GREB1: variants seen among roughly 807,000 people sequenced by gnomAD.
GREB1 encodes growth regulating estrogen receptor binding 1, also known as protein GREB1.
Under a neutral mutation model 200.7 loss-of-function variants are expected in GREB1, and 106 were observed. The observed-to-expected ratio is 0.53, with a 90% confidence interval of 0.45 to 0.62. The LOEUF (loss-of-function observed/expected upper bound fraction) is 0.62, where lower values mean the gene tolerates loss of function less well. Among genes scored for constraint, GREB1 ranks in the 20% least tolerant of loss-of-function variants. The probability of loss-of-function intolerance (pLI) is 0.00; values close to 1 mark genes in which losing one functional copy is unlikely to be tolerated. For synonymous variants in GREB1, 1,132 were observed against 1,092.4 expected, an observed-to-expected ratio of 1.04 and a Z score of -0.72; for missense variants, 2,243 against 2,556.8, an observed-to-expected ratio of 0.88 and a Z score of 2.65.
intron 4 of GREB1, among the ~76,000 whole-genome samples, chr2:11,570,515 A>G (rs1678155892): frequency 1.3e-5 from 2 of 151,574 alleles, no homozygotes; most frequent in African/African-American, 2.4e-5. Flanking sequence ...TCGAATTGTT[A>G]TCTTATACTT....
Position 11,585,143 on chromosome 2 carries a change from A to G in GREB1, c.902-18A>G. On this transcript the variant is annotated intron_variant, in intron 7 of 32. Coordinates refer to ENST00000381486, the MANE Select transcript of GREB1 (RefSeq NM_014668.4). The stretch of plus-strand genomic sequence containing the variant: ...CTGTCCTGGTGATAGCCTAATCCAC[A>G]CTCTGAATATTGTCTAGGTATCTTG... 1.4e-6 allele frequency: 2 copies of G among 1,435,556 alleles called. No homozygotes were observed. The highest frequency in any genetic ancestry group is 1.9e-6 in the Non-Finnish European group (2 of 1,053,868). 88.9% of individuals were successfully genotyped at this position (1,435,556 alleles called of 1,614,324 possible).
At chr2:11,631,578 G>T (rs534884244) in intron 26 of GREB1, among the ~76,000 whole-genome samples, 1 of 152,318 alleles carries the variant, frequency 6.6e-6, no homozygotes, top group African/African-American at 2.4e-5. Flanking sequence ...TGAGCCAGCA[G>T]GTTGTCTGCG....
chr2:11,547,099 C>T (rs989924799), intron 1 of GREB1, among the ~76,000 whole-genome samples: 3 of 152,068 alleles, frequency 2.0e-5, no homozygotes, highest in Non-Finnish European at 2.9e-5. Context: ...TGTGCCACCA[C>T]GCCCAGCTAT....
At chr2:11,635,779 ACTATGTGTC>A (rs1685264050) in intron 30 of GREB1, among the ~76,000 whole-genome samples, 1 of 152,144 alleles carries the variant, frequency 6.6e-6, no homozygotes. Context: ...CCATAGTCAT[ACTATGTGTC>A]CACTGGGCAG....
Position 11,602,477 on chromosome 2 carries a change from A to G in GREB1, c.2601A>G (p.Gly867=). 1 of 1,613,234 alleles carries G rather than the reference A, an allele frequency of 6.2e-7. No individual in the cohort carries two copies. Among genetic ancestry groups the G allele is most frequent in the South Asian group, 1.1e-5 (1 of 91,058 alleles). Residue 867 remains glycine (G), a synonymous_variant, in exon 17 of 33, where the codon GGA becomes GGG. Transcript: ENST00000381486. ...LSEFIESTLS[G]HSLPLLRYDS... ...AGTTTATTGAATCCACCCTTTCAGG[A>G]CACAGCCTCCCCTTGCTCAGATACG...
chr2:11,580,720 C>T lies in GREB1; in HGVS notation c.789C>T (p.His263=). 3 of 1,613,552 alleles carry T rather than the reference C, an allele frequency of 1.9e-6. No homozygotes were observed. Among genetic ancestry groups the T allele is most frequent in the Non-Finnish European group, 8.5e-7 (1 of 1,179,612 alleles). Reference sequence around the variant, plus strand: ...TGTTTTCAGGACCAGCTTCTGATCACCCCTCACTAAACGCAGCAATGGGTC... The same window carrying T: ...TGTTTTCAGGACCAGCTTCTGATCATCCCTCACTAAACGCAGCAATGGGTC... ...GAQQAGPASD[H]PSLNAAMGPA... Residue 263 remains histidine, a synonymous_variant, in exon 7 of 33, where the codon CAC becomes CAT. Transcript: ENST00000381486. This position sits in a 1 kb window ranked among gnomAD's most constrained non-coding sequence, Gnocchi z 4.5.
In GREB1 at chr2:11,585,795, G is replaced by T. The variant is rs759355936; in HGVS notation, c.1049G>T (p.Gly350Val). Residue 350 changes from glycine (G) to valine (V), a missense_variant, in exon 9 of 33, where the codon GGC (glycine) becomes GTC (valine). Coordinates refer to ENST00000381486, the MANE Select transcript of GREB1 (RefSeq NM_014668.4). Reference protein sequence around the residue: ...SAGMSCVPQVGLVGPASVTFP... With the variant: ...SAGMSCVPQVVLVGPASVTFP... ...GGCATGTCCTGCGTGCCGCAGGTTG[G>T]CTTGGTGGGACCAGCTTCAGTCACC... 25 of 1,613,472 alleles carry T rather than the reference G, an allele frequency of 1.5e-5. No homozygotes were observed. In the Admixed American group the frequency reaches 4.2e-4, roughly 27 times the overall value.
chr2:11,566,616 G>A lies in GREB1; in HGVS notation c.414G>A (p.Lys138=), dbSNP rs1414426303. The stretch of plus-strand genomic sequence containing the variant: ...ATCTCCTGGTGTGCGCCGTTGACAA[G>A]AGGTTCTTGCCAGATGACAATGGCC... ...PDHLLVCAVD[K]RFLPDDNGHN... is the part of the protein sequence containing the mutation. Residue 138 remains lysine (K), a synonymous_variant, in exon 4 of 33, where the codon AAG becomes AAA. Transcript: ENST00000381486. 1.2e-6 allele frequency: 2 copies of A among 1,614,062 alleles called. No homozygotes were observed. Among genetic ancestry groups the A allele is most frequent in the Non-Finnish European group, 1.7e-6 (2 of 1,179,982 alleles).
chr2:11,557,686 G>A (rs1676566658), intron 2 of GREB1, among the ~76,000 whole-genome samples: 2 of 152,162 alleles, frequency 1.3e-5, no homozygotes, highest in Admixed American at 1.3e-4. Context: ...TCTAGCAGGA[G>A]GCATTTCTGT....
At chr2:11,510,240 G>A (rs1046102507) in intron 1 of GREB1, among the ~76,000 whole-genome samples, 4 of 152,192 alleles carry the variant, frequency 2.6e-5, no homozygotes, top group African/African-American at 9.6e-5. Context: ...AATGTCTGGT[G>A]AGAAGATGCC....
Position 11,566,608 on chromosome 2 carries a change from G to A in GREB1, c.406G>A (p.Val136Ile), listed in dbSNP as rs775697568. The change falls in exon 4 of 33, where the codon GTT (valine) becomes ATT (isoleucine). Residue 136 changes from valine (V) to isoleucine (I), a missense_variant. Val to Ile is a conservative substitution (Grantham distance 29). Coordinates refer to ENST00000381486, the MANE Select transcript of GREB1 (RefSeq NM_014668.4). ...SLPDHLLVCA[V>I]DKRFLPDDNG... ...GCCGGACCATCTCCTGGTGTGCGCCGTTGACAAGAGGTTCTTGCCAGATGA... is the reference window on the plus strand; with the variant it reads ...GCCGGACCATCTCCTGGTGTGCGCCATTGACAAGAGGTTCTTGCCAGATGA... 2.5e-5 allele frequency: 40 copies of A among 1,613,808 alleles called. No individual in the cohort carries two copies. The Admixed American group carries it at 3.3e-4, about 13-fold the overall frequency.
At position 11,606,806 on chromosome 2, in the gene GREB1, C is replaced by T. The variant is rs1446896166; in HGVS notation, c.2667-3882C>T. On this transcript the variant is annotated intron_variant, in intron 17 of 32. Transcript: ENST00000381486. ...TTATTATTATTATTATTATTTGAGA[C>T]GGAGTCTCACTCTGTTGCCAGGCTG... 3.7e-5 allele frequency among the ~76,000 whole-genome samples: 5 copies of T among 135,690 alleles called. No homozygotes were observed. In the East Asian group the frequency reaches 7.8e-4, roughly 21 times the overall value. 89.0% of individuals were successfully genotyped at this position (135,690 alleles called of 152,430 possible).
At chr2:11,626,151 C>G (rs1684433731) in intron 24 of GREB1, among the ~76,000 whole-genome samples, 1 of 152,148 alleles carries the variant, frequency 6.6e-6, no homozygotes, top group Non-Finnish European at 1.5e-5. Flanking sequence ...CAAACCATAT[C>G]AGTGACCCAC....
intron 11 of GREB1, among the ~76,000 whole-genome samples, chr2:11,594,252 C>T (rs1006197613): frequency 6.6e-6 from 1 of 151,988 alleles, no homozygotes; most frequent in Non-Finnish European, 1.5e-5. Flanking sequence ...TCAAGCAGTC[C>T]ACCCGCCTCA....
intron 25 of GREB1, among the ~76,000 whole-genome samples, chr2:11,628,844 G>C (rs1394150672): frequency 2.0e-5 from 3 of 152,124 alleles, no homozygotes; most frequent in Non-Finnish European, 4.4e-5. Context: ...TGTTCTCAGG[G>C]GTGCGCAGGT....
chr2:11,499,476 G>T (rs1327023480), intron 1 of GREB1, among the ~76,000 whole-genome samples: 1 of 152,264 alleles, frequency 6.6e-6, no homozygotes, highest in African/African-American at 2.4e-5. Flanking sequence ...TCTCCATGGG[G>T]AATAGAGCCC....
Position 11,618,374 on chromosome 2 carries a change from G to T in GREB1, c.3499G>T (p.Ala1167Ser). The change falls in exon 22 of 33, where the codon GCA (alanine) becomes TCA (serine). Residue 1167 changes from alanine (A) to serine (S), a missense_variant. Physicochemically the swap from Ala to Ser is moderately conservative, Grantham distance 99 (BLOSUM62 1). This residue lies in a region of GREB1 where 587 missense variants were observed against 553.1 expected (regional missense o/e 1.06). Coordinates refer to ENST00000381486, the MANE Select transcript of GREB1 (RefSeq NM_014668.4). Reference sequence around the variant, plus strand: ...CAGGTCGCCCCAGCCCCGTGGCCCCGCAGAGGAGGGCAGAGCCCCTGGTGA... The same window carrying T: ...CAGGTCGCCCCAGCCCCGTGGCCCCTCAGAGGAGGGCAGAGCCCCTGGTGA... ...HARSPQPRGP[A>S]EEGRAPGEKQ... is the part of the protein sequence containing the mutation. 1 of 1,611,232 alleles carries T rather than the reference G, an allele frequency of 6.2e-7. No homozygotes were observed. The highest frequency in any genetic ancestry group is 1.1e-5 in the South Asian group (1 of 90,886).
At position 11,592,779 on chromosome 2, in the gene GREB1, C is replaced by T. The variant is rs1680865785; in HGVS notation, c.1349C>T (p.Ala450Val). ...LTVYYLVQLA[A>V]DQVPLMEDLE... ...CTCCGCCCGCATTGTGTTGCAGCCGCGGACCAGGTGCCCTTGATGGAGGAC... is the reference window on the plus strand; with the variant it reads ...CTCCGCCCGCATTGTGTTGCAGCCGTGGACCAGGTGCCCTTGATGGAGGAC... Residue 450 changes from alanine to valine, a missense_variant, in exon 11 of 33, where the codon GCG (alanine) becomes GTG (valine). Physicochemically the swap from Ala to Val is moderately conservative, Grantham distance 64 (BLOSUM62 0). Around this residue, in one of 3 missense-constraint regions of GREB1, gnomAD observed 1,178 missense variants for 1,387.4 expected, o/e 0.85. Transcript: ENST00000381486. 4 of 1,519,140 alleles carry T rather than the reference C, an allele frequency of 2.6e-6. No homozygotes were observed. The highest frequency in any genetic ancestry group is 1.4e-5 in the African/African-American group (1 of 69,928). The allele number at this position is 1,519,140 out of a possible 1,614,324, so 94.1% of individuals were successfully genotyped here. A position where few individuals can be genotyped will look rare whatever the true frequency, so the allele number is the denominator to read the frequency against.
At position 11,618,702 on chromosome 2, in the gene GREB1, G is replaced by GC. The variant is rs1266025800; in HGVS notation, c.3829dup (p.Leu1277ProfsTer100). The GC allele has an allele frequency of 6.2e-7, 1 of 1,613,722 alleles. No homozygotes were observed. The highest frequency in any genetic ancestry group is 8.5e-7 in the Non-Finnish European group (1 of 1,179,950). ...ATGGTTGTGTCCACTGACAGCAGTG[G>GC]CCTGCCCAAGGCCGCCTCCCTCCTG... On this transcript the variant is annotated frameshift_variant, in exon 22 of 33. Transcript: ENST00000381486. LOFTEE classifies it high-confidence loss of function.
Sources: allele counts gnomAD v4.1 joint callset (sites outside exome capture counted in the v4.1 genomes callset), GRCh38; gene constraint gnomAD v4.1.1; regional missense constraint gnomAD v4.1.1; non-coding constraint Gnocchi (gnomAD v3.1); transcripts MANE v1.5; gene names NCBI Gene and HGNC (gene_info 2026-07-23, HGNC 2026-07-21).